BRD4: variants seen among roughly 807,000 people sequenced by gnomAD.
BRD4 encodes bromodomain-containing protein 4.
BRD4 carries 16 observed loss-of-function variants against 142.1 expected under a neutral mutation model. That is an observed-to-expected ratio of 0.11 (90% CI 0.08 to 0.17). BRD4 has a LOEUF of 0.17. Ranked by LOEUF, BRD4 falls within the 10% of genes least tolerant of loss-of-function variation. The pLI is 1.00. For synonymous variants in BRD4, 833 were observed against 707.5 expected, an observed-to-expected ratio of 1.18 and a Z score of -2.82; for missense variants, 1,424 against 1,810.9, an observed-to-expected ratio of 0.79 and a Z score of 3.88.
chr19:15,238,594 C>T lies in BRD4; in HGVS notation c.4020+149G>A, dbSNP rs972610364. 8 of 1,484,480 alleles carry T rather than the reference C, an allele frequency of 5.4e-6. No individual in the cohort carries two copies. Among genetic ancestry groups the T allele is most frequent in the Middle Eastern group, 2.5e-4 (1 of 4,000 alleles). The allele number at this position is 1,484,480 out of a possible 1,614,324, so 92.0% of individuals were successfully genotyped here. Reference sequence around the variant, plus strand: ...CACCCCGTCCACACAGCACTCAGGGCCCTACAGCTGAGTCCAGAGGACCAC... The same window carrying T: ...CACCCCGTCCACACAGCACTCAGGGTCCTACAGCTGAGTCCAGAGGACCAC... On this transcript the variant is annotated intron_variant, in intron 19 of 19. Coordinates refer to ENST00000679869, the MANE Select transcript of BRD4 (RefSeq NM_001379291.1). The surrounding 1 kb of genome is among the most constrained non-coding windows in gnomAD (Gnocchi z 7.2).
At chr19:15,301,428 G>A (rs1458435618) in intron 1 of BRD4, among the ~76,000 whole-genome samples, 1 of 152,128 alleles carries the variant, frequency 6.6e-6, no homozygotes, top group East Asian at 1.9e-4. Context: ...GGGCATGGTG[G>A]TGCGCACCTG....
At chr19:15,257,514 G>A (rs1403935676) in intron 7 of BRD4, among the ~76,000 whole-genome samples, 1 of 152,196 alleles carries the variant, frequency 6.6e-6, no homozygotes, top group African/African-American at 2.4e-5. Flanking sequence ...TGGACCAAGG[G>A]CATCCTCAAA....
chr19:15,262,089 T>TGC (rs1394483650), intron 7 of BRD4, among the ~76,000 whole-genome samples: 2 of 152,252 alleles, frequency 1.3e-5, no homozygotes, highest in East Asian at 3.9e-4. Context: ...GGAGAGACAG[T>TGC]GCCTTAGGTC....
chr19:15,304,236 T>C (rs1164250630), intron 1 of BRD4, among the ~76,000 whole-genome samples: 5 of 152,126 alleles, frequency 3.3e-5, no homozygotes, highest in Non-Finnish European at 7.4e-5. Flanking sequence ...CAGCCGTCTG[T>C]TTGTTTGCCC....
At chr19:15,244,066 C>T (rs2047262680) in intron 13 of BRD4, among the ~76,000 whole-genome samples, 165 bp downstream of exon 13, 1 of 152,226 alleles carries the variant, frequency 6.6e-6, no homozygotes. Flanking sequence ...TGTCTTGAGG[C>T]ATCTCCTTTA....
At chr19:15,331,653 G>T (rs1454241522) in intron 1 of BRD4, among the ~76,000 whole-genome samples, 2 of 152,088 alleles carry the variant, frequency 1.3e-5, no homozygotes, top group Non-Finnish European at 2.9e-5. Context: ...GCACTCCGGG[G>T]ACCGCCGGGA....
Position 15,263,531 on chromosome 19 carries a change from A to T in BRD4, c.1230T>A (p.Arg410=). The T allele has an allele frequency of 6.2e-7, 1 of 1,614,218 alleles. No individual in the cohort carries two copies. Among genetic ancestry groups the T allele is most frequent in the Non-Finnish European group, 8.5e-7 (1 of 1,180,036 alleles). The change falls in exon 7 of 20, where the codon CGT becomes CGA. Residue 410 remains arginine, a synonymous_variant. Transcript: ENST00000679869. ...CAAACTCCTGAGCATCACGGTACTC[A>T]CGGGCCTCCAGTTTAGACTGGAAAA... ...MSTIKSKLEA[R]EYRDAQEFGA... is the part of the protein sequence containing the mutation.
At chr19:15,295,925 T>C (rs909074926) in intron 1 of BRD4, among the ~76,000 whole-genome samples, 6 of 150,650 alleles carry the variant, frequency 4.0e-5, no homozygotes, top group African/African-American at 1.5e-4. Flanking sequence ...GAGCTGAGAT[T>C]GTGCCACTGC....
chr19:15,285,269 G>A (rs917391724), intron 1 of BRD4, among the ~76,000 whole-genome samples: 1 of 152,224 alleles, frequency 6.6e-6, no homozygotes, highest in East Asian at 1.9e-4. Flanking sequence ...TATCACACTC[G>A]TATGGAACCT....
rs144627512 is a variant in BRD4 at position 15,256,987 on chromosome 19, G to T, written c.1528C>A (p.Arg510=). ...ACCTGCTCCTGGAGCTCAGCCAGCC[G>T]CTGGGCTCGCTCCTCCTCAGAGTCA... is the stretch of plus-strand genomic sequence containing the variant. ...TDDSEEERAQ[R]LAELQEQLKA... The change falls in exon 8 of 20, where the codon CGG becomes AGG. Residue 510 remains arginine (R), a synonymous_variant. Coordinates refer to ENST00000679869, the MANE Select transcript of BRD4 (RefSeq NM_001379291.1). The T allele has an allele frequency of 2.9e-5, 46 of 1,581,938 alleles. No individual in the cohort carries two copies. The African/African-American group carries it at 6.0e-4, about 21-fold the overall frequency.
intron 1 of BRD4, among the ~76,000 whole-genome samples, chr19:15,300,369 T>A (rs1265843015): frequency 6.6e-6 from 1 of 151,540 alleles, no homozygotes; most frequent in African/African-American, 2.4e-5. Context: ...CTGGCCAACA[T>A]GGTGAAACCC....
At chr19:15,327,331 G>T (rs1329577026) in intron 1 of BRD4, among the ~76,000 whole-genome samples, 1 of 152,138 alleles carries the variant, frequency 6.6e-6, no homozygotes, top group Non-Finnish European at 1.5e-5. Context: ...TTGAGCTCCG[G>T]AGTTCAAGAC....
At chr19:15,254,038 G>A (rs1029504030) in intron 11 of BRD4, 114 bp downstream of exon 11, 1 of 881,060 alleles carries the variant, frequency 1.1e-6, no homozygotes, top group Non-Finnish European at 1.8e-6. Flanking sequence ...GAGGAACCCA[G>A]CAAGTTCTGG....
intron 1 of BRD4, among the ~76,000 whole-genome samples, chr19:15,286,868 C>T (rs545846234): frequency 3.9e-5 from 6 of 152,272 alleles, no homozygotes; most frequent in East Asian, 1.9e-4. Flanking sequence ...TCAAGAGCCA[C>T]GTGGGGTTAG....
chr19:15,286,676 T>G (rs941324021), intron 1 of BRD4, among the ~76,000 whole-genome samples: 1 of 152,190 alleles, frequency 6.6e-6, no homozygotes, highest in African/African-American at 2.4e-5. Flanking sequence ...CCAAAATATG[T>G]GATCTGTATT....
intron 1 of BRD4, among the ~76,000 whole-genome samples, chr19:15,283,790 C>A (rs2047721822): frequency 6.6e-6 from 1 of 152,212 alleles, no homozygotes; most frequent in Non-Finnish European, 1.5e-5. Context: ...AGCAGCAGAG[C>A]AGCGGCTGAC....
chr19:15,254,996 G>A (rs369742825), intron 10 of BRD4, among the ~76,000 whole-genome samples: 9 of 152,248 alleles, frequency 5.9e-5, no homozygotes, highest in East Asian at 3.9e-4. Context: ...CAAAGAGGCC[G>A]GAGGAAGACT....
chr19:15,292,331 A>G (rs1452410840), intron 1 of BRD4, among the ~76,000 whole-genome samples: 2 of 152,042 alleles, frequency 1.3e-5, no homozygotes, highest in South Asian at 4.1e-4. Flanking sequence ...GACTCAGATG[A>G]CTTATCTACA....
intron 1 of BRD4, among the ~76,000 whole-genome samples, chr19:15,294,981 G>A (rs182653792): frequency 6.5e-4 from 99 of 152,308 alleles, no homozygotes; most frequent in Non-Finnish European, 1.0e-3. Flanking sequence ...AATGTTTTCC[G>A]TCTAAACACT....
Sources: allele counts gnomAD v4.1 joint callset (sites outside exome capture counted in the v4.1 genomes callset), GRCh38; gene constraint gnomAD v4.1.1; non-coding constraint Gnocchi (gnomAD v3.1); transcripts MANE v1.5; gene names NCBI Gene and HGNC (gene_info 2026-07-23, HGNC 2026-07-21).